TOMM40: variants seen among roughly 807,000 people sequenced by gnomAD.
TOMM40 encodes mitochondrial import receptor subunit TOM40 homolog.
A neutral mutation model predicts 38.4 loss-of-function variants in TOMM40; 9 were observed. The ratio of observed to expected loss-of-function variants is 0.23; its 90% CI spans 0.14 to 0.41. TOMM40 has a LOEUF of 0.41. Ranked by LOEUF, TOMM40 falls within the 10% of genes least tolerant of loss-of-function variation. TOMM40 has a pLI of 1.00. For missense variants in TOMM40, 299 were observed against 486.5 expected, an observed-to-expected ratio of 0.61 and a Z score of 3.63; for synonymous variants, 184 against 210.0, an observed-to-expected ratio of 0.88 and a Z score of 1.07.
At position 44,903,664 on chromosome 19, in the gene TOMM40, A is replaced by C. The variant is rs939599450; in HGVS notation, c.*495A>C. 6.5e-6 allele frequency: 1 copy of C among 153,076 alleles called. No individual in the cohort carries two copies. 9.5% of individuals were successfully genotyped at this position (153,076 alleles called of 1,614,324 possible). A position where few individuals can be genotyped will look rare whatever the true frequency, so the allele number is the denominator to read the frequency against. ...TACAGAAAAAAAACAAAAAACAACA[A>C]AAAATATACGTGGGAAAAAAAACGA... is the stretch of plus-strand genomic sequence containing the variant. On this transcript the variant is annotated 3_prime_UTR_variant, in exon 9 of 9. Coordinates refer to ENST00000426677, the MANE Select transcript of TOMM40 (RefSeq NM_001128917.2).
chr19:44,894,045 C>T lies in TOMM40; in HGVS notation c.622C>T (p.Pro208Ser). The T allele has an allele frequency of 1.3e-6, 2 of 1,520,398 alleles. No individual in the cohort carries two copies. Among genetic ancestry groups the T allele is most frequent in the Non-Finnish European group, 1.8e-6 (2 of 1,132,480 alleles). 94.2% of individuals were successfully genotyped at this position (1,520,398 alleles called of 1,614,324 possible). A position where few individuals can be genotyped will look rare whatever the true frequency, so the allele number is the denominator to read the frequency against. Residue 208 changes from proline to serine, a missense_variant, in exon 5 of 9, where the codon CCA becomes TCA. Coordinates refer to ENST00000426677, the MANE Select transcript of TOMM40 (RefSeq NM_001128917.2). ...DFTAAVTLGNPDVLVGSGILV... is the reference protein window; with the variant it reads ...DFTAAVTLGNSDVLVGSGILV... ...CACAGCAGCCGTCACCCTGGGGAAC[C>T]CAGACGTCCTCGTGGGTTCAGGTAA...
At chr19:44,894,170 G>C (rs537199802) in intron 5 of TOMM40, 104 bp downstream of exon 5, 5 of 845,084 alleles carry the variant, frequency 5.9e-6, no homozygotes, top group Non-Finnish European at 8.9e-6. Context: ...TGGAGAAGTG[G>C]CTCAGCAGGA....
At chr19:44,901,628 T>G in intron 8 of TOMM40, 1 of 501,436 alleles carries the variant, frequency 2.0e-6, no homozygotes, top group South Asian at 3.3e-5. Flanking sequence ...TAGTCCCAAC[T>G]ACTGAGGCTG....
intron 5 of TOMM40, among the ~76,000 whole-genome samples, chr19:44,898,678 C>T (rs1029386148): frequency 2.0e-5 from 3 of 151,530 alleles, no homozygotes; most frequent in African/African-American, 7.3e-5. Flanking sequence ...GCTGGGACTA[C>T]AGGTGTGCAC....
chr19:44,892,009 G>GGTGTCAGCA (rs1969476377), intron 1 of TOMM40, among the ~76,000 whole-genome samples: 1 of 151,884 alleles, frequency 6.6e-6, no homozygotes, highest in South Asian at 2.1e-4. Flanking sequence ...AGGTGTCAGC[G>GGTGTCAGCA]AGGTTCCTTG....
At chr19:44,901,353 G>A (rs377087222) in intron 8 of TOMM40, 43 bp downstream of exon 8, 1 of 1,586,950 alleles carries the variant, frequency 6.3e-7, no homozygotes, top group African/African-American at 1.3e-5. Flanking sequence ...GGCAGGAGGT[G>A]ACTCAACTCT....
intron 5 of TOMM40, among the ~76,000 whole-genome samples, chr19:44,897,776 CAAAA>C (rs111611308): frequency 1.5e-5 from 2 of 132,764 alleles, no homozygotes; most frequent in Non-Finnish European, 3.2e-5. Context: ...CGCCCCATCT[CAAAA>C]AAAAAAAAAA....
chr19:44,894,905 G>A (rs1255863302), intron 5 of TOMM40, among the ~76,000 whole-genome samples: 1 of 152,216 alleles, frequency 6.6e-6, no homozygotes, highest in Non-Finnish European at 1.5e-5. Flanking sequence ...CTGGCGTAGA[G>A]AGCAGACTCC....
chr19:44,897,488 TG>T (rs1173549348), intron 5 of TOMM40, among the ~76,000 whole-genome samples: 2 of 152,132 alleles, frequency 1.3e-5, no homozygotes, highest in Non-Finnish European at 2.9e-5. Flanking sequence ...ACGCAGTCTC[TG>T]TTGCCCAGGC....
At chr19:44,891,729 G>A in intron 1 of TOMM40, 40 bp downstream of exon 1, 1 of 1,401,944 alleles carries the variant, frequency 7.1e-7, no homozygotes, top group Non-Finnish European at 9.3e-7. Flanking sequence ...CGATGGCCTG[G>A]ATCTCGGGGG....
chr19:44,893,907 T>TC, intron 4 of TOMM40, 26 bp downstream of exon 4: 1 of 1,609,262 alleles, frequency 6.2e-7, no homozygotes, highest in Non-Finnish European at 8.5e-7. Context: ...AGGCTGCTGC[T>TC]CCCCTCGGCC....
In TOMM40 at chr19:44,893,762, G is replaced by A. The variant is rs761308866; in HGVS notation, c.436-18G>A. ...CAGTGCACCACCTCTGACCCCTTCC[G>A]TTCTCTCTGCCTCACAGGCGTTCCC... is the stretch of plus-strand genomic sequence containing the variant. On this transcript the variant is annotated intron_variant, in intron 3 of 8. Coordinates refer to ENST00000426677, the MANE Select transcript of TOMM40 (RefSeq NM_001128917.2). 38 of 1,609,198 alleles carry A rather than the reference G, an allele frequency of 2.4e-5. No individual in the cohort carries two copies. The highest frequency in any genetic ancestry group is 7.7e-5 in the South Asian group (7 of 90,850).
chr19:44,891,758 G>T, intron 1 of TOMM40, 69 bp downstream of exon 1: 2 of 1,349,712 alleles, frequency 1.5e-6, no homozygotes, highest in East Asian at 3.1e-5. Context: ...GGACACTGGG[G>T]ACTCTGGGAT....
Position 44,891,435 on chromosome 19 carries a change from C to T in TOMM40, c.20C>T (p.Ala7Val). ...GCGACCATGGGGAACGTGTTGGCTG[C>T]CAGCTCGCCGCCCGCAGGGCCGCCA... MGNVLA[A>V]SSPPAGPPPP... The change falls in exon 1 of 9, where the codon GCC (alanine) becomes GTC (valine). Residue 7 changes from alanine to valine, a missense_variant. Coordinates refer to ENST00000426677, the MANE Select transcript of TOMM40 (RefSeq NM_001128917.2). The T allele has an allele frequency of 3.9e-6, 5 of 1,293,994 alleles. No individual in the cohort carries two copies. The highest frequency in any genetic ancestry group is 1.5e-5 in the African/African-American group (1 of 64,852). The allele number at this position is 1,293,994 out of a possible 1,614,324, so 80.2% of individuals were successfully genotyped here.
rs1210846891 is a variant in TOMM40 at position 44,892,837 on chromosome 19, G to A, written c.343G>A (p.Val115Ile). 1 of 1,612,936 alleles carries A rather than the reference G, an allele frequency of 6.2e-7. No homozygotes were observed. The highest frequency in any genetic ancestry group is 8.5e-7 in the Non-Finnish European group (1 of 1,179,330). The part of the protein sequence containing the change: ...VNKGLSNHFQ[V>I]NHTVALSTIG... ...GTCACAGCTCTCGCTTTCCTTCCAGGTCAACCACACAGTAGCCCTCAGCAC... is the reference window on the plus strand; with the variant it reads ...GTCACAGCTCTCGCTTTCCTTCCAGATCAACCACACAGTAGCCCTCAGCAC... The change falls in exon 3 of 9, where the codon GTC (valine) becomes ATC (isoleucine). Residue 115 changes from valine (V) to isoleucine (I), a missense_variant and splice_region_variant. Physicochemically the swap from Val to Ile is conservative, Grantham distance 29. Transcript: ENST00000426677.
chr19:44,893,915 G>A (rs767648732), intron 4 of TOMM40, 34 bp downstream of exon 4: 2 of 1,606,916 alleles, frequency 1.2e-6, no homozygotes, highest in Non-Finnish European at 1.7e-6. Context: ...GCTCCCCTCG[G>A]CCACCGTGAG....
In TOMM40 at chr19:44,901,020, T is replaced by C. The variant is rs768586208; in HGVS notation, c.767-8T>C. On this transcript the variant is annotated splice_region_variant and splice_polypyrimidine_tract_variant and intron_variant, in intron 6 of 8. Coordinates refer to ENST00000426677, the MANE Select transcript of TOMM40 (RefSeq NM_001128917.2). ...ATGAGACCCCGCCTCCACCCCACTC[T>C]CTGACAGTGAACAACTGGTTGGCAA... The C allele has an allele frequency of 6.2e-7, 1 of 1,614,082 alleles. No individual in the cohort carries two copies. Among genetic ancestry groups the C allele is most frequent in the African/African-American group, 1.3e-5 (1 of 75,072 alleles).
intron 5 of TOMM40, among the ~76,000 whole-genome samples, chr19:44,897,634 C>T (rs757478594): frequency 6.6e-6 from 1 of 151,652 alleles, no homozygotes; most frequent in Admixed American, 6.6e-5. Context: ...TGTATTTTTG[C>T]GTCGTGGCAC....
intron 5 of TOMM40, among the ~76,000 whole-genome samples, 195 bp downstream of exon 5, chr19:44,894,261 C>T (rs1198501425): frequency 9.7e-5 from 13 of 133,630 alleles, no homozygotes; most frequent in South Asian, 9.4e-4. Context: ...TCAGAGCAGT[C>T]TTTTTTTTTT....
Sources: gnomAD v4.1 joint callset for allele counts (sites outside exome capture counted in the v4.1 genomes callset) on GRCh38, gnomAD v4.1.1 for gene constraint, MANE v1.5 for transcripts, NCBI Gene and HGNC (gene_info 2026-07-23, HGNC 2026-07-21) for gene names.